Variants in MDFIC2 observed in about 807,000 individuals in gnomAD.
MDFIC2 encodes myoD family inhibitor domain-containing protein 2.
chr3:70,241,433 A>G (rs1701666672), intron 2 of MDFIC2, among the ~76,000 whole-genome samples: 1 of 152,190 alleles, frequency 6.6e-6, no homozygotes, highest in Non-Finnish European at 1.5e-5. Flanking sequence ...AAAAAAGTTT[A>G]TATCTCATTT....
intron 2 of MDFIC2, among the ~76,000 whole-genome samples, chr3:70,255,489 A>G (rs909807462): frequency 6.6e-6 from 1 of 152,126 alleles, no homozygotes; most frequent in Non-Finnish European, 1.5e-5. Flanking sequence ...TGGTATGAGC[A>G]CAGTTAACTG....
intron 3 of MDFIC2, among the ~76,000 whole-genome samples, chr3:70,202,842 G>A (rs1185537442): frequency 1.3e-5 from 2 of 152,206 alleles, no homozygotes; most frequent in Middle Eastern, 3.4e-3. Flanking sequence ...GGCTAATTAG[G>A]AGGGAGAATC....
At chr3:70,292,685 T>G (rs1336936839) in intron 2 of MDFIC2, among the ~76,000 whole-genome samples, 4 of 152,120 alleles carry the variant, frequency 2.6e-5, no homozygotes, top group Admixed American at 6.6e-5. Context: ...TCCAAATGTT[T>G]TCTCTTTTTT....
At chr3:70,296,863 G>A (rs1212375728) in intron 2 of MDFIC2, among the ~76,000 whole-genome samples, 1 of 151,934 alleles carries the variant, frequency 6.6e-6, no homozygotes, top group African/African-American at 2.4e-5. Context: ...TGGCCTCTCT[G>A]TGCTTAGTGC....
intron 2 of MDFIC2, among the ~76,000 whole-genome samples, chr3:70,225,257 CT>C (rs1262037367): frequency 6.6e-6 from 1 of 152,102 alleles, no homozygotes; most frequent in Non-Finnish European, 1.5e-5. Context: ...TTTCAATAAA[CT>C]TTTCCCCAGA....
At chr3:70,281,420 C>A (rs927265966) in intron 2 of MDFIC2, among the ~76,000 whole-genome samples, 1 of 152,142 alleles carries the variant, frequency 6.6e-6, no homozygotes, top group Non-Finnish European at 1.5e-5. Context: ...TTCTAGAATT[C>A]TGTCTTTACC....
chr3:70,198,873 A>C (rs1701207520), intron 3 of MDFIC2, among the ~76,000 whole-genome samples: 1 of 152,164 alleles, frequency 6.6e-6, no homozygotes, highest in Non-Finnish European at 1.5e-5. Context: ...AACCTCCCAC[A>C]AAAATGCAAG....
chr3:70,259,418 A>T (rs1481353437), intron 2 of MDFIC2, among the ~76,000 whole-genome samples: 1 of 148,096 alleles, frequency 6.8e-6, no homozygotes, highest in Non-Finnish European at 1.5e-5. Context: ...TTGACTTTTA[A>T]AAAAAAAAAA....
intron 2 of MDFIC2, among the ~76,000 whole-genome samples, chr3:70,286,030 T>C (rs1702159395): frequency 2.0e-5 from 3 of 152,102 alleles, no homozygotes; most frequent in Non-Finnish European, 4.4e-5. Flanking sequence ...CTGATGGTAG[T>C]TTCTTTTGCT....
intron 2 of MDFIC2, among the ~76,000 whole-genome samples, chr3:70,284,306 T>C (rs879425462): frequency 6.6e-6 from 1 of 152,204 alleles, no homozygotes; most frequent in Non-Finnish European, 1.5e-5. Context: ...TCTACAATTT[T>C]ATAGAGTGAA....
chr3:70,246,512 T>C (rs1385870023), intron 2 of MDFIC2, among the ~76,000 whole-genome samples: 2 of 152,054 alleles, frequency 1.3e-5, no homozygotes, highest in African/African-American at 4.8e-5. Flanking sequence ...ATCAGACTTA[T>C]CAAACAGAAA....
intron 3 of MDFIC2, among the ~76,000 whole-genome samples, chr3:70,202,654 C>T (rs897773262): frequency 6.6e-6 from 1 of 152,192 alleles, no homozygotes; most frequent in Middle Eastern, 3.4e-3. Context: ...GCTGCACAGT[C>T]AACAGTGGTG....
At chr3:70,233,809 G>T (rs7638933) in intron 2 of MDFIC2, among the ~76,000 whole-genome samples, 60,910 of 152,028 alleles carry the variant, frequency 0.4, 12,556 homozygotes, top group East Asian at 0.71. Context: ...TCAGATTGTT[G>T]CATATCTAAA....
At chr3:70,275,369 G>T (rs1702013858) in intron 2 of MDFIC2, among the ~76,000 whole-genome samples, 1 of 152,122 alleles carries the variant, frequency 6.6e-6, no homozygotes, top group African/African-American at 2.4e-5. Flanking sequence ...AAAAAAATTA[G>T]TTGGGTGTGG....
intron 2 of MDFIC2, among the ~76,000 whole-genome samples, chr3:70,287,442 C>T (rs1702178002): frequency 2.0e-5 from 3 of 151,760 alleles, no homozygotes; most frequent in African/African-American, 7.3e-5. Flanking sequence ...TTTTGATGTG[C>T]TGCTGGATTC....
At chr3:70,287,847 G>T (rs1458778084) in intron 2 of MDFIC2, among the ~76,000 whole-genome samples, 1 of 151,866 alleles carries the variant, frequency 6.6e-6, no homozygotes, top group Non-Finnish European at 1.5e-5. Flanking sequence ...TATTTGCGTA[G>T]AGGTGTTTGT....
At chr3:70,254,292 C>A (rs1432283281) in intron 2 of MDFIC2, among the ~76,000 whole-genome samples, 1 of 151,994 alleles carries the variant, frequency 6.6e-6, no homozygotes, top group Non-Finnish European at 1.5e-5. Context: ...TTAAGGGATT[C>A]TTTTTTCAAA....
At chr3:70,228,068 G>C (rs1406291001) in intron 2 of MDFIC2, among the ~76,000 whole-genome samples, 1 of 151,750 alleles carries the variant, frequency 6.6e-6, no homozygotes, top group Non-Finnish European at 1.5e-5. Flanking sequence ...AATGATATCA[G>C]ATTGAATAGG....
intron 2 of MDFIC2, among the ~76,000 whole-genome samples, chr3:70,276,044 A>T (rs1293479012): frequency 6.6e-6 from 1 of 152,164 alleles, no homozygotes; most frequent in Non-Finnish European, 1.5e-5. Flanking sequence ...CAAACTTTAA[A>T]AAAAAGTATA....
Sources: allele counts gnomAD v4.1 joint callset (sites outside exome capture counted in the v4.1 genomes callset), GRCh38; gene constraint gnomAD v4.1.1; transcripts MANE v1.5; gene names NCBI Gene and HGNC (gene_info 2026-07-23, HGNC 2026-07-21).